SCHIP1: variants seen among roughly 807,000 people sequenced by gnomAD.
SCHIP1 encodes schwannomin-interacting protein 1.
SCHIP1 carries 8 observed loss-of-function variants against 29.7 expected under a neutral mutation model. That is an observed-to-expected ratio of 0.27 (90% CI 0.16 to 0.49). The LOEUF (loss-of-function observed/expected upper bound fraction) is 0.49. SCHIP1 is among the 20% of genes least tolerant of loss of function. SCHIP1 has a pLI of 0.99. For missense variants in SCHIP1, 193 were observed against 294.6 expected (o/e 0.66, Z 2.52); for synonymous variants, 76 against 94.9 (o/e 0.80, Z 1.16).
At chr3:159,454,533 T>TCC in the SCHIP1 span, among the ~76,000 whole-genome samples, 1 of 152,094 alleles carries the variant, frequency 6.6e-6, no homozygotes, top group Non-Finnish European at 1.5e-5. Flanking sequence ...GATCTTGGTG[T>TCC]CCCCAGTCAA....
intron 2 of SCHIP1, among the ~76,000 whole-genome samples, chr3:159,883,458 G>A (rs1560095720): frequency 6.6e-6 from 1 of 152,116 alleles, no homozygotes; most frequent in Non-Finnish European, 1.5e-5. Context: ...GGGGTTATCT[G>A]TTCTTCCACC....
At chr3:159,408,823 A>C in the SCHIP1 span, among the ~76,000 whole-genome samples, 4 of 152,220 alleles carry the variant, frequency 2.6e-5, no homozygotes, top group Non-Finnish European at 4.4e-5. Context: ...AACCAGACAA[A>C]GACACATCAA....
chr3:159,725,997 G>A, the SCHIP1 span, among the ~76,000 whole-genome samples: 2 of 152,102 alleles, frequency 1.3e-5, no homozygotes, highest in Non-Finnish European at 2.9e-5. Flanking sequence ...TATTCCATTA[G>A]CTATATTATA....
At chr3:159,438,330 C>T in the SCHIP1 span, among the ~76,000 whole-genome samples, 1 of 152,064 alleles carries the variant, frequency 6.6e-6, no homozygotes, top group Non-Finnish European at 1.5e-5. Context: ...ACAAAGCCCA[C>T]ATTTTCTAGA....
the SCHIP1 span, among the ~76,000 whole-genome samples, chr3:159,447,887 G>C: frequency 1.3e-5 from 2 of 152,080 alleles, no homozygotes; most frequent in Non-Finnish European, 2.9e-5. Flanking sequence ...TATCAAGTCT[G>C]CACTACTCAG....
chr3:159,822,693 C>T, the SCHIP1 span, among the ~76,000 whole-genome samples: 212 of 149,264 alleles, frequency 1.4e-3, no homozygotes, highest in Middle Eastern at 0.014. Flanking sequence ...TTGCACCAAC[C>T]TAGTAACAGA....
At chr3:159,592,015 GA>G in the SCHIP1 span, among the ~76,000 whole-genome samples, 1 of 150,406 alleles carries the variant, frequency 6.6e-6, no homozygotes, top group Non-Finnish European at 1.5e-5. Context: ...AAGAAAGAAA[GA>G]AATTGAGTGT....
chr3:159,444,809 C>T, the SCHIP1 span, among the ~76,000 whole-genome samples: 9 of 152,002 alleles, frequency 5.9e-5, no homozygotes, highest in African/African-American at 2.2e-4. Flanking sequence ...GGTGGACCTT[C>T]GATGTGATGA....
chr3:159,322,405 A>G, the SCHIP1 span, among the ~76,000 whole-genome samples: 1 of 152,192 alleles, frequency 6.6e-6, no homozygotes, highest in African/African-American at 2.4e-5. Context: ...ACTGAAAGCT[A>G]TGGGATCTCT....
At chr3:159,508,051 C>A in the SCHIP1 span, among the ~76,000 whole-genome samples, 3 of 152,176 alleles carry the variant, frequency 2.0e-5, no homozygotes, top group African/African-American at 7.2e-5. Context: ...GGTACCAGCT[C>A]CTCCTTGTAC....
At chr3:159,458,584 A>C in the SCHIP1 span, among the ~76,000 whole-genome samples, 1 of 148,252 alleles carries the variant, frequency 6.7e-6, no homozygotes, top group African/African-American at 2.5e-5. Flanking sequence ...TTTTTAAAGG[A>C]GTTAATGGTT....
At chr3:159,799,248 T>G in the SCHIP1 span, among the ~76,000 whole-genome samples, 2 of 152,196 alleles carry the variant, frequency 1.3e-5, no homozygotes, top group Non-Finnish European at 2.9e-5. Context: ...TGTCTTGGCT[T>G]CTCTGTTAGA....
the SCHIP1 span, among the ~76,000 whole-genome samples, chr3:159,343,670 G>T: frequency 2.0e-5 from 3 of 152,194 alleles, no homozygotes; most frequent in Non-Finnish European, 2.9e-5. Flanking sequence ...CACTGGAGCA[G>T]GGAAGTATAT....
At chr3:159,875,596 A>G (rs758770708) in intron 2 of SCHIP1, among the ~76,000 whole-genome samples, 6 of 152,234 alleles carry the variant, frequency 3.9e-5, no homozygotes, top group Non-Finnish European at 5.9e-5. Flanking sequence ...CAGTGGTCCT[A>G]TACATGTGTC....
At chr3:159,646,125 C>A in the SCHIP1 span, among the ~76,000 whole-genome samples, 1 of 152,120 alleles carries the variant, frequency 6.6e-6, no homozygotes, top group African/African-American at 2.4e-5. Context: ...AAAAACTCCA[C>A]AGAGCACAAG....
chr3:159,414,436 T>A, the SCHIP1 span, among the ~76,000 whole-genome samples: 1 of 150,806 alleles, frequency 6.6e-6, no homozygotes, highest in African/African-American at 2.4e-5. Context: ...GTTATTTGAG[T>A]CCGAAGCCAC....
the SCHIP1 span, among the ~76,000 whole-genome samples, chr3:159,291,737 G>C: frequency 6.6e-6 from 1 of 152,056 alleles, no homozygotes; most frequent in Non-Finnish European, 1.5e-5. Flanking sequence ...ATCTAATCGA[G>C]TCTTTGTGGC....
chr3:159,796,221 A>G, the SCHIP1 span, among the ~76,000 whole-genome samples: 1 of 152,192 alleles, frequency 6.6e-6, no homozygotes, highest in South Asian at 2.1e-4. Flanking sequence ...AATGCATTCT[A>G]GTGGGGAGAT....
At chr3:159,735,087 G>C in the SCHIP1 span, among the ~76,000 whole-genome samples, 3 of 151,918 alleles carry the variant, frequency 2.0e-5, no homozygotes, top group Admixed American at 2.0e-4. Context: ...TTACTCCATA[G>C]TCTTAAAGAA....
Sources: gnomAD v4.1 joint callset for allele counts (sites outside exome capture counted in the v4.1 genomes callset) on GRCh38, gnomAD v4.1.1 for gene constraint, MANE v1.5 for transcripts, NCBI Gene and HGNC (gene_info 2026-07-23, HGNC 2026-07-21) for gene names.